The following ADCY2 variants were observed in gnomAD, a reference collection of about 807,000 sequenced individuals.
ADCY2 encodes the protein adenylate cyclase 2, also known as adenylate cyclase type 2.
ADCY2 carries 31 observed loss-of-function variants against 125.2 expected under a neutral mutation model. That is an observed-to-expected ratio of 0.25 (90% CI 0.19 to 0.33). The LOEUF is 0.33. Ranked by LOEUF, ADCY2 falls within the 10% of genes least tolerant of loss-of-function variation. The pLI is 1.00. For missense variants in ADCY2, 904 were observed against 1,418.2 expected (o/e 0.64, Z 5.82); for synonymous variants, 512 against 548.4 (o/e 0.93, Z 0.93).
In ADCY2 at chr5:7,798,578, T is replaced by TG. The variant is rs1208479912; in HGVS notation, c.2629-3640_2629-3639insG. 1.3e-4 allele frequency: 10 copies of TG among 76,266 alleles called. 1 individual carries two copies. Among genetic ancestry groups the TG allele is most frequent in the Non-Finnish European group, 1.5e-4 (5 of 32,598 alleles). The allele number at this position is 76,266 out of a possible 1,614,324, so 4.7% of individuals were successfully genotyped here. A position where few individuals can be genotyped will look rare whatever the true frequency, so the allele number is the denominator to read the frequency against. ...GGCAAGAGTTTTGACTATTTCTTTT[T>TG]TTTTTCTTTTTTTTTTTTTGAGACG... On this transcript the variant is annotated intron_variant, in intron 20 of 24. Coordinates refer to ENST00000338316, the MANE Select transcript of ADCY2 (RefSeq NM_020546.3).
chr5:7,600,874 A>G (rs189325915), intron 3 of ADCY2, among the ~76,000 whole-genome samples: 7 of 152,296 alleles, frequency 4.6e-5, no homozygotes, highest in Admixed American at 3.9e-4. Flanking sequence ...GGAGGCTGGA[A>G]AGGCAGAATG....
chr5:7,641,434 T>C (rs896492101), intron 4 of ADCY2, among the ~76,000 whole-genome samples: 7 of 152,186 alleles, frequency 4.6e-5, no homozygotes, highest in African/African-American at 1.7e-4. Flanking sequence ...TTTTCTCTTA[T>C]TTATGAGTTA....
chr5:7,468,423 A>G (rs1373480961), intron 2 of ADCY2, among the ~76,000 whole-genome samples: 3 of 152,192 alleles, frequency 2.0e-5, no homozygotes, highest in Non-Finnish European at 4.4e-5. Flanking sequence ...TTCTTAAATA[A>G]TTTGGGCACA....
chr5:7,630,946 C>A (rs912091055), intron 4 of ADCY2, among the ~76,000 whole-genome samples: 11 of 152,064 alleles, frequency 7.2e-5, no homozygotes, highest in African/African-American at 2.4e-4. Flanking sequence ...CACCACCACA[C>A]CTGGCTAACT....
intron 2 of ADCY2, among the ~76,000 whole-genome samples, chr5:7,503,116 A>C (rs567776953): frequency 6.6e-6 from 1 of 152,270 alleles, no homozygotes; most frequent in African/African-American, 2.4e-5. Context: ...GGGCACACAG[A>C]AGGTGCTTGA....
At chr5:7,551,960 C>T (rs1220136996) in intron 3 of ADCY2, among the ~76,000 whole-genome samples, 1 of 152,088 alleles carries the variant, frequency 6.6e-6, no homozygotes, top group Admixed American at 6.5e-5. Context: ...ATTATTTGTT[C>T]ATTGTGTATA....
rs184836439 is a variant in ADCY2 at position 7,521,998 on chromosome 5, C to T, written c.570+1099C>T. ...TGGATATTACTAAGAAGCATCCACT[C>T]CCAGGAAGAGGAGGAAGGCCATATG... On this transcript the variant is annotated intron_variant, in intron 3 of 24. Transcript: ENST00000338316. Among the ~76,000 whole-genome samples the T allele has an allele frequency of 2.4e-3, 365 of 152,260 alleles. 1 individual carries two copies. In the Middle Eastern group the frequency reaches 0.031, roughly 13 times the overall value.
intron 1 of ADCY2, among the ~76,000 whole-genome samples, chr5:7,397,717 C>T (rs558021742): frequency 1.1e-3 from 174 of 152,108 alleles, no homozygotes; most frequent in African/African-American, 4.0e-3. Context: ...TAAAAAAATT[C>T]CCCCACACCA....
intron 7 of ADCY2, among the ~76,000 whole-genome samples, chr5:7,704,612 G>A (rs1343893170): frequency 6.6e-6 from 1 of 152,028 alleles, no homozygotes; most frequent in East Asian, 1.9e-4. Context: ...GGGCGCGGTG[G>A]GTCACACCTG....
At chr5:7,597,282 A>G (rs557634291) in intron 3 of ADCY2, among the ~76,000 whole-genome samples, 1 of 152,342 alleles carries the variant, frequency 6.6e-6, no homozygotes, top group Admixed American at 6.5e-5. Flanking sequence ...CGTTCTAGCC[A>G]GTGCAGGCAG....
At chr5:7,795,149 C>G (rs1167323861) in intron 20 of ADCY2, 1 of 152,212 alleles carries the variant, frequency 6.6e-6, no homozygotes, top group Admixed American at 6.5e-5. Flanking sequence ...GCATCTGTCC[C>G]AGCCCTGGCA....
chr5:7,808,655 C>A (rs1405329564), intron 22 of ADCY2, among the ~76,000 whole-genome samples: 1 of 152,214 alleles, frequency 6.6e-6, no homozygotes, highest in African/African-American at 2.4e-5. Flanking sequence ...CAGAGCTCCA[C>A]ATGGCAGCCT....
rs188753256 is a variant in ADCY2 at position 7,547,272 on chromosome 5, T to C, written c.570+26373T>C. Among the ~76,000 whole-genome samples, 6 of 152,280 alleles carry C rather than the reference T, an allele frequency of 3.9e-5. No homozygotes were observed. In the East Asian group the frequency reaches 1.2e-3, roughly 29 times the overall value. On this transcript the variant is annotated intron_variant, in intron 3 of 24. Coordinates refer to ENST00000338316, the MANE Select transcript of ADCY2 (RefSeq NM_020546.3). The stretch of plus-strand genomic sequence containing the variant: ...ATACAGACTCAGGAAATACTCTGTG[T>C]CTCTATGAATTCATAACCTAATGGA...
At chr5:7,520,939 A>G (rs1744424143) in intron 3 of ADCY2, 40 bp downstream of exon 3, 1 of 1,609,814 alleles carries the variant, frequency 6.2e-7, no homozygotes, top group African/African-American at 1.3e-5. Context: ...GACTTTCCAC[A>G]TCCCACCAGG....
chr5:7,682,007 C>G (rs527820435), intron 4 of ADCY2, among the ~76,000 whole-genome samples: 2 of 152,322 alleles, frequency 1.3e-5, no homozygotes, highest in Non-Finnish European at 2.9e-5. Context: ...AATCCCAACT[C>G]CTCCACCTCC....
chr5:7,421,987 G>A (rs1054488487), intron 2 of ADCY2, among the ~76,000 whole-genome samples: 15 of 152,290 alleles, frequency 9.8e-5, no homozygotes, highest in Admixed American at 9.8e-4. Flanking sequence ...TAAACAGAGT[G>A]CTGTCAAGGC....
intron 3 of ADCY2, among the ~76,000 whole-genome samples, chr5:7,563,012 T>C (rs1404830856): frequency 6.6e-6 from 1 of 152,250 alleles, no homozygotes; most frequent in East Asian, 1.9e-4. Context: ...ATCCTGCTCA[T>C]TGTTTTAAAT....
At chr5:7,455,378 A>G (rs917556933) in intron 2 of ADCY2, among the ~76,000 whole-genome samples, 3 of 152,160 alleles carry the variant, frequency 2.0e-5, no homozygotes, top group African/African-American at 7.2e-5. Context: ...AATTTGCAAC[A>G]CAGCTGATGA....
At chr5:7,810,280 A>T (rs1027584267) in intron 22 of ADCY2, among the ~76,000 whole-genome samples, 8 of 151,874 alleles carry the variant, frequency 5.3e-5, no homozygotes, top group African/African-American at 1.9e-4. Context: ...TTGGTGGGTT[A>T]TCTGCTTGAA....
Sources: allele counts gnomAD v4.1 joint callset (sites outside exome capture counted in the v4.1 genomes callset), GRCh38; gene constraint gnomAD v4.1.1; transcripts MANE v1.5; gene names NCBI Gene and HGNC (gene_info 2026-07-23, HGNC 2026-07-21).